Variants in RPS4Y1 observed in about 807,000 individuals in gnomAD.
The protein encoded by RPS4Y1 is ribosomal protein S4 Y-linked 1, also known as small ribosomal subunit protein eS4, Y isoform 1.
For missense variants in RPS4Y1, 30 were observed against 60.9 expected (o/e 0.49, Z 1.69); for synonymous variants, 23 against 20.8 (o/e 1.10, Z -0.28).
chrY:2,843,218 G>C, intron 2 of RPS4Y1, among the ~76,000 whole-genome samples: 1 of 33,482 alleles, frequency 3.0e-5, no homozygotes, highest in Non-Finnish European at 7.4e-5. Context: ...ATGGGCCATT[G>C]TTTTCTCTAT....
At chrY:2,844,451 A>G (rs2051151437) in intron 3 of RPS4Y1, among the ~76,000 whole-genome samples, 194 bp downstream of exon 3, 1 of 33,449 alleles carries the variant, frequency 3.0e-5, no homozygotes, top group Admixed American at 2.7e-4. Context: ...AAAGCTGGAA[A>G]GGGGTTGATA....
intron 2 of RPS4Y1, among the ~76,000 whole-genome samples, chrY:2,843,689 A>C (rs2051150926): frequency 3.0e-5 from 1 of 33,246 alleles, no homozygotes; most frequent in Non-Finnish European, 7.4e-5. Flanking sequence ...GCATGGTGAG[A>C]GAGTAGTAGA....
intron 2 of RPS4Y1, among the ~76,000 whole-genome samples, 188 bp downstream of exon 2, chrY:2,842,430 T>A (rs780319869): frequency 1.3e-4 from 4 of 31,697 alleles, no homozygotes; most frequent in Non-Finnish European, 2.3e-4. Context: ...AGGGCCAGGA[T>A]GTCACGTCCC....
At chrY:2,851,270 A>G (rs956336582) in intron 4 of RPS4Y1, among the ~76,000 whole-genome samples, 1 of 33,636 alleles carries the variant, frequency 3.0e-5, no homozygotes, top group Non-Finnish European at 7.4e-5. Context: ...ATGATTGGAT[A>G]GCACATTTTA....
intron 4 of RPS4Y1, among the ~76,000 whole-genome samples, chrY:2,848,527 G>T (rs1003297610): frequency 4.2e-4 from 14 of 33,520 alleles, no homozygotes; most frequent in Non-Finnish European, 8.9e-4. Flanking sequence ...GCTCTCAGGG[G>T]AGCCTCACAT....
At chrY:2,845,142 CT>C (rs1556371450) in intron 3 of RPS4Y1, among the ~76,000 whole-genome samples, 1 of 27,628 alleles carries the variant, frequency 3.6e-5, no homozygotes, top group African/African-American at 1.4e-4. Context: ...CTTCCTTCCT[CT>C]TTTTTTTTTT....
chrY:2,842,083 C>T, intron 1 of RPS4Y1, 82 bp from the exon 2 acceptor site: 1 of 326,967 alleles, frequency 3.1e-6, no homozygotes, highest in South Asian at 3.1e-5. Context: ...AGGTATTACC[C>T]GTTAGCAGTT....
chrY:2,849,894 G>A (rs2051155012), intron 4 of RPS4Y1, among the ~76,000 whole-genome samples: 1 of 33,631 alleles, frequency 3.0e-5, no homozygotes, highest in Non-Finnish European at 7.4e-5. Flanking sequence ...GCTTTTGCAG[G>A]AGCACTCCCA....
At chrY:2,852,485 G>A (rs2051156801) in intron 4 of RPS4Y1, among the ~76,000 whole-genome samples, 1 of 34,121 alleles carries the variant, frequency 2.9e-5, no homozygotes, top group Admixed American at 2.6e-4. Flanking sequence ...GAAGTTTTCA[G>A]TTGGTTGGTC....
At chrY:2,853,245 G>A in intron 4 of RPS4Y1, among the ~76,000 whole-genome samples, 2 of 33,075 alleles carry the variant, frequency 6.0e-5, no homozygotes, top group Admixed American at 5.5e-4. Context: ...GTGGCTCCTC[G>A]AGTTCATTTA....
At chrY:2,856,476 A>G in intron 5 of RPS4Y1, among the ~76,000 whole-genome samples, 2 of 33,839 alleles carry the variant, frequency 5.9e-5, no homozygotes. Flanking sequence ...TCTTATCTCC[A>G]ATGAAATGAT....
chrY:2,865,061 C>T (rs1158337882), intron 5 of RPS4Y1, 27 bp from the exon 6 acceptor site: 1 of 382,491 alleles, frequency 2.6e-6, no homozygotes, highest in South Asian at 3.2e-5. Flanking sequence ...AATGACTCCT[C>T]TCCTGTTTAT....
At chrY:2,850,253 C>T (rs898719805) in intron 4 of RPS4Y1, among the ~76,000 whole-genome samples, 4 of 34,000 alleles carry the variant, frequency 1.2e-4, no homozygotes, top group Non-Finnish European at 2.2e-4. Flanking sequence ...AGTTAAAGGC[C>T]GAGGACCTTT....
At chrY:2,859,061 C>G in intron 5 of RPS4Y1, among the ~76,000 whole-genome samples, 1 of 33,492 alleles carries the variant, frequency 3.0e-5, no homozygotes, top group Non-Finnish European at 7.4e-5. Context: ...TCTATTTTGT[C>G]TGACCCAAGT....
intron 4 of RPS4Y1, 31 bp from the exon 5 acceptor site, chrY:2,854,569 A>G: frequency 5.4e-6 from 2 of 372,127 alleles, no homozygotes; most frequent in Non-Finnish European, 7.7e-6. Flanking sequence ...GTGTTTACAT[A>G]TTGAATTGAT....
chrY:2,851,797 C>G, intron 4 of RPS4Y1, among the ~76,000 whole-genome samples: 1 of 33,011 alleles, frequency 3.0e-5, no homozygotes, highest in Non-Finnish European at 7.4e-5. Flanking sequence ...ACTGTAGCAC[C>G]ACAGCTTGAT....
In RPS4Y1 at chrY:2,867,054, T is replaced by C. The variant is rs2051168133; in HGVS notation, c.*160T>C. ...CTAGGAATACCACCTATACTTCCTC[T>C]GACCCTCCAGTAAATAAACCTTTGC... On this transcript the variant is annotated 3_prime_UTR_variant, in exon 7 of 7. Coordinates refer to ENST00000250784, the MANE Select transcript of RPS4Y1 (RefSeq NM_001008.4). 2.1e-5 allele frequency: 3 copies of C among 146,102 alleles called. No individual in the cohort carries two copies. In the African/African-American group the frequency reaches 2.7e-4, roughly 13 times the overall value. The allele number at this position is 146,102 out of a possible 400,897, so 36.4% of individuals were successfully genotyped here.
At chrY:2,842,759 G>A in intron 2 of RPS4Y1, among the ~76,000 whole-genome samples, 1 of 32,569 alleles carries the variant, frequency 3.1e-5, no homozygotes, top group Non-Finnish European at 7.5e-5. Context: ...CAGGATGAGG[G>A]CAGTATACTC....
In RPS4Y1 at chrY:2,865,161, T is replaced by C; in HGVS notation, c.606T>C (p.Pro202=). The change falls in exon 6 of 7, where the codon CCT becomes CCC. Residue 202 remains proline, a synonymous_variant. Coordinates refer to ENST00000250784, the MANE Select transcript of RPS4Y1 (RefSeq NM_001008.4). ...TGATCACCAACAGGGAAAGACATCC[T>C]GGTTCTTTTGATGTGGTGCATGTGA... is the stretch of plus-strand genomic sequence containing the variant. ...VGVITNRERH[P]GSFDVVHVKD... The C allele has an allele frequency of 2.5e-6, 1 of 395,751 alleles. No individual in the cohort carries two copies. Among genetic ancestry groups the C allele is most frequent in the Non-Finnish European group, 3.5e-6 (1 of 282,404 alleles).
Sources: allele counts gnomAD v4.1 joint callset (sites outside exome capture counted in the v4.1 genomes callset), GRCh38; gene constraint gnomAD v4.1.1; transcripts MANE v1.5; gene names NCBI Gene and HGNC (gene_info 2026-07-23, HGNC 2026-07-21).